MAN1C1: variants seen among roughly 807,000 people sequenced by gnomAD.
MAN1C1 encodes the protein mannosidase alpha class 1C member 1.
Under a neutral mutation model 71.5 loss-of-function variants are expected in MAN1C1, and 49 were observed. The observed-to-expected ratio is 0.69, with a 90% CI of 0.54 to 0.87. The LOEUF (loss-of-function observed/expected upper bound fraction) is 0.87, where lower values mean the gene tolerates loss of function less well. Among genes scored for constraint, MAN1C1 ranks in the 40% least tolerant of loss-of-function variants. MAN1C1 has a pLI of 0.00. For missense variants in MAN1C1, 743 were observed against 835.0 expected (o/e 0.89, Z 1.36); for synonymous variants, 352 against 343.7 (o/e 1.02, Z -0.27).
At chr1:25,692,072 C>G (rs1242021903) in intron 2 of MAN1C1, among the ~76,000 whole-genome samples, 1 of 152,208 alleles carries the variant, frequency 6.6e-6, no homozygotes, top group Non-Finnish European at 1.5e-5. Context: ...GAAACCAAGG[C>G]TCAGAGAGGG....
At chr1:25,661,948 GA>G in intron 1 of MAN1C1, among the ~76,000 whole-genome samples, 1 of 151,876 alleles carries the variant, frequency 6.6e-6, no homozygotes, top group South Asian at 2.1e-4. Flanking sequence ...TCCCCTTGAG[GA>G]ATTTTTTTAA....
At chr1:25,715,284 C>T (rs1300840709) in intron 2 of MAN1C1, among the ~76,000 whole-genome samples, 1 of 152,072 alleles carries the variant, frequency 6.6e-6, no homozygotes, top group Non-Finnish European at 1.5e-5. Flanking sequence ...GCTGGACTGA[C>T]CAAGGCCTAG....
chr1:25,715,541 G>A (rs1335281147), intron 2 of MAN1C1, among the ~76,000 whole-genome samples: 2 of 152,218 alleles, frequency 1.3e-5, no homozygotes, highest in Non-Finnish European at 2.9e-5. Context: ...TTACTGTGGT[G>A]AACAGAAAGG....
Position 25,626,222 on chromosome 1 carries a change from C to T in MAN1C1, c.540+7885C>T, listed in dbSNP as rs183602393. 5.9e-5 allele frequency among the ~76,000 whole-genome samples: 9 copies of T among 152,326 alleles called. No homozygotes were observed. The East Asian group carries it at 1.3e-3, about 23-fold the overall frequency. On this transcript the variant is annotated intron_variant, in intron 1 of 11. Coordinates refer to ENST00000374332, the MANE Select transcript of MAN1C1 (RefSeq NM_020379.4). ...CTCCACCAGCAATATGTGAGAGTTCCGCATCCTTGCCAACACTTGTTATTG... is the reference window on the plus strand; with the variant it reads ...CTCCACCAGCAATATGTGAGAGTTCTGCATCCTTGCCAACACTTGTTATTG...
chr1:25,687,919 C>G (rs2744779), intron 2 of MAN1C1, among the ~76,000 whole-genome samples: 1 of 151,630 alleles, frequency 6.6e-6, no homozygotes, highest in African/African-American at 2.4e-5. Context: ...TCTGCTTTTT[C>G]TTCCTTTTAT....
At position 25,753,109 on chromosome 1, in the gene MAN1C1, A is replaced by AC. The variant is rs957773898; in HGVS notation, c.835-369dup. 7.0e-6 allele frequency among the ~76,000 whole-genome samples: 1 copy of AC among 143,576 alleles called. No individual in the cohort carries two copies. Among genetic ancestry groups the AC allele is most frequent in the Non-Finnish European group, 1.5e-5 (1 of 65,666 alleles). 94.2% of individuals were successfully genotyped at this position (143,576 alleles called of 152,430 possible). On this transcript the variant is annotated intron_variant, in intron 4 of 11. Coordinates refer to ENST00000374332, the MANE Select transcript of MAN1C1 (RefSeq NM_020379.4). The surrounding 1 kb of genome is among the most constrained non-coding windows in gnomAD (Gnocchi z 4.9). ...TCATCTGGACTTGGAGGTGCCCCCC[A>AC]CCCCCCGCACCTCACTGCTTTCTCC...
intron 2 of MAN1C1, among the ~76,000 whole-genome samples, chr1:25,727,105 A>G (rs1243698978): frequency 3.9e-5 from 6 of 152,102 alleles, no homozygotes; most frequent in Non-Finnish European, 8.8e-5. Context: ...TGAAGGCTGT[A>G]TTAGACACAT....
At chr1:25,751,243 A>G (rs1020322795) in intron 4 of MAN1C1, among the ~76,000 whole-genome samples, 2 of 138,154 alleles carry the variant, frequency 1.4e-5, no homozygotes, top group African/African-American at 5.6e-5. Flanking sequence ...CCTTCCATCC[A>G]TCTTTTCTTC....
At chr1:25,648,667 A>G (rs1369144642) in intron 1 of MAN1C1, among the ~76,000 whole-genome samples, 1 of 152,182 alleles carries the variant, frequency 6.6e-6, no homozygotes, top group African/African-American at 2.4e-5. Flanking sequence ...TGGAGCCTCA[A>G]TTCTGATGAG....
At chr1:25,770,751 C>G (rs1314041700) in intron 7 of MAN1C1, among the ~76,000 whole-genome samples, 2 of 148,526 alleles carry the variant, frequency 1.3e-5, no homozygotes, top group African/African-American at 5.0e-5. Context: ...CTGCCCCCTT[C>G]TTCTGCTGAG....
At chr1:25,661,223 A>G (rs2045843934) in intron 1 of MAN1C1, among the ~76,000 whole-genome samples, 1 of 152,224 alleles carries the variant, frequency 6.6e-6, no homozygotes, top group South Asian at 2.1e-4. Flanking sequence ...CATGTATTTC[A>G]TCACCTCTAT....
intron 1 of MAN1C1, among the ~76,000 whole-genome samples, chr1:25,655,963 A>G (rs1487937165): frequency 6.6e-6 from 1 of 151,928 alleles, no homozygotes; most frequent in Non-Finnish European, 1.5e-5. Context: ...GGGGGTGCTC[A>G]GGAGCTGTGA....
chr1:25,781,840 GCCCAGTCCATAGA>G (rs963411707), intron 10 of MAN1C1, among the ~76,000 whole-genome samples: 3 of 152,148 alleles, frequency 2.0e-5, no homozygotes, highest in African/African-American at 7.2e-5. Flanking sequence ...GTGCTCCTAT[GCCCAGTCCATAGA>G]CCCCCTCCGT....
At position 25,698,065 on chromosome 1, in the gene MAN1C1, C is replaced by T. The variant is rs143272399; in HGVS notation, c.637+11529C>T. ...GCCTTCACTTACGGGTGATTTGGGG[C>T]TCCCACACCAGCTGCCTCAAGTGCT... On this transcript the variant is annotated intron_variant, in intron 2 of 11. Coordinates refer to ENST00000374332, the MANE Select transcript of MAN1C1 (RefSeq NM_020379.4). 7.5e-3 allele frequency among the ~76,000 whole-genome samples: 1,143 copies of T among 152,310 alleles called. 12 individuals are homozygous for T. The highest frequency in any genetic ancestry group is 0.026 in the African/African-American group (1,089 of 41,568).
rs895345333 is a variant in MAN1C1, at chr1:25,769,486, G to A, written c.1142-2171G>A. ...TGAGAGGCAGCTGCATCTCAACACC[G>A]CGGACCCTAATGACCTGGCTCCCTC... On this transcript the variant is annotated intron_variant, in intron 7 of 11. Coordinates refer to ENST00000374332, the MANE Select transcript of MAN1C1 (RefSeq NM_020379.4). The surrounding 1 kb of genome is among the most constrained non-coding windows in gnomAD (Gnocchi z 4.8). Among the ~76,000 whole-genome samples the A allele has an allele frequency of 2.6e-5, 4 of 152,126 alleles. No homozygotes were observed. The highest frequency in any genetic ancestry group is 1.9e-4 in the East Asian group (1 of 5,176).
At chr1:25,667,305 G>A (rs1480448258) in intron 1 of MAN1C1, among the ~76,000 whole-genome samples, 2 of 151,896 alleles carry the variant, frequency 1.3e-5, no homozygotes, top group Non-Finnish European at 2.9e-5. Flanking sequence ...CCAACATGGT[G>A]AAGCCCGGTC....
chr1:25,748,426 G>A (rs910155487), intron 3 of MAN1C1, among the ~76,000 whole-genome samples: 3 of 152,192 alleles, frequency 2.0e-5, no homozygotes, highest in African/African-American at 7.2e-5. Flanking sequence ...AACCCTCTGG[G>A]GCAAGGAGGG....
chr1:25,701,197 C>T (rs570492606), intron 2 of MAN1C1, among the ~76,000 whole-genome samples: 7 of 152,354 alleles, frequency 4.6e-5, no homozygotes, highest in African/African-American at 1.7e-4. Flanking sequence ...TGGTCCTTGG[C>T]TTCCTCCCCA....
At chr1:25,734,908 C>T (rs561545510) in intron 2 of MAN1C1, among the ~76,000 whole-genome samples, 36 of 152,308 alleles carry the variant, frequency 2.4e-4, no homozygotes, top group Non-Finnish European at 2.4e-4. Flanking sequence ...CTCAGATCCA[C>T]GTGGGAGAGT....
Sources: allele counts gnomAD v4.1 joint callset (sites outside exome capture counted in the v4.1 genomes callset), GRCh38; gene constraint gnomAD v4.1.1; non-coding constraint Gnocchi (gnomAD v3.1); transcripts MANE v1.5; gene names NCBI Gene and HGNC (gene_info 2026-07-23, HGNC 2026-07-21).